The following TNFAIP8 variants were observed in gnomAD, a reference collection of about 807,000 sequenced individuals.
TNFAIP8 encodes the protein tumor necrosis factor alpha-induced protein 8.
A neutral mutation model predicts 13.3 loss-of-function variants in TNFAIP8; 7 were observed. The ratio of observed to expected loss-of-function variants is 0.52; its 90% CI spans 0.30 to 0.99. The LOEUF (loss-of-function observed/expected upper bound fraction) is 0.99. TNFAIP8 is among the 50% of genes least tolerant of loss of function. The pLI is 0.07. For synonymous variants in TNFAIP8, 94 were observed against 87.6 expected (o/e 1.07, Z -0.41); for missense variants, 258 against 236.9 (o/e 1.09, Z -0.58).
chr5:119,372,268 G>A (rs1752107857), intron 1 of TNFAIP8, among the ~76,000 whole-genome samples: 1 of 149,982 alleles, frequency 6.7e-6, no homozygotes, highest in African/African-American at 2.5e-5. Flanking sequence ...AGGTTGTGGT[G>A]AGCAGAGATC....
chr5:119,304,340 A>G (rs1403687764), intron 1 of TNFAIP8, among the ~76,000 whole-genome samples: 1 of 152,046 alleles, frequency 6.6e-6, no homozygotes, highest in African/African-American at 2.4e-5. Context: ...CCTTCACCAA[A>G]CATATTAAAG....
At position 119,338,210 on chromosome 5, in the gene TNFAIP8, A is replaced by ACACACC. The variant is rs1366073474; in HGVS notation, c.2-54605_2-54604insACACCC. 2.0e-3 allele frequency among the ~76,000 whole-genome samples: 259 copies of ACACACC among 130,660 alleles called. 2 individuals carry two copies. Among genetic ancestry groups the ACACACC allele is most frequent in the African/African-American group, 9.5e-3 (231 of 24,276 alleles). The allele number at this position is 130,660 out of a possible 152,430, so 85.7% of individuals were successfully genotyped here. The stretch of plus-strand genomic sequence containing the variant: ...CACACACACACACACACACACACAC[A>ACACACC]CCTTCTCAGCACCTAGTCACACCCT... On this transcript the variant is annotated intron_variant, in intron 1 of 1. Coordinates refer to the TNFAIP8 transcript ENST00000274456.
rs775889437 is a variant in TNFAIP8 at position 119,394,609 on chromosome 5, T to C, written c.*1228T>C. 9.9e-5 allele frequency: 14 copies of C among 140,822 alleles called. No homozygotes were observed. Among genetic ancestry groups the C allele is most frequent in the Non-Finnish European group, 2.0e-4 (13 of 65,858 alleles). 8.7% of individuals were successfully genotyped at this position (140,822 alleles called of 1,614,324 possible). A position where few individuals can be genotyped will look rare whatever the true frequency, so the allele number is the denominator to read the frequency against. The stretch of plus-strand genomic sequence containing the variant: ...AACATTTCCATTGTCACTGTGTCTA[T>C]GATTTTTTTTTTTTTTTTTTTGAGT... On this transcript the variant is annotated 3_prime_UTR_variant, in exon 2 of 2. Coordinates refer to ENST00000504771, the MANE Select transcript of TNFAIP8 (RefSeq NM_014350.4).
intron 1 of TNFAIP8, among the ~76,000 whole-genome samples, chr5:119,338,211 C>CACACACACACACACACA (rs70982473): frequency 6.8e-6 from 1 of 146,492 alleles, no homozygotes; most frequent in Non-Finnish European, 1.5e-5. Flanking sequence ...CACACACACA[C>CACACACACACACACACA]CTTCTCAGCA....
intron 1 of TNFAIP8, among the ~76,000 whole-genome samples, chr5:119,368,443 G>GTGTGTGTA (rs1751952095): frequency 7.2e-6 from 1 of 137,998 alleles, no homozygotes; most frequent in African/African-American, 2.8e-5. Context: ...GTGTGTGTGT[G>GTGTGTGTA]TGTGTGTGTG....
chr5:119,336,393 C>T (rs1157670544), intron 1 of TNFAIP8, among the ~76,000 whole-genome samples: 1 of 152,150 alleles, frequency 6.6e-6, no homozygotes, highest in Non-Finnish European at 1.5e-5. Context: ...GTACAGTGGT[C>T]TGAGAGGAAG....
intron 1 of TNFAIP8, among the ~76,000 whole-genome samples, chr5:119,377,413 A>G (rs1580438996): frequency 6.6e-6 from 1 of 152,130 alleles, no homozygotes; most frequent in Non-Finnish European, 1.5e-5. Flanking sequence ...AAGTAAAAAA[A>G]AAATAAAAAA....
chr5:119,356,220 G>GGCACTTTGTCCGCTTGCCCTGC, intron 1 of TNFAIP8, 99 bp downstream of exon 1: 3 of 1,142,338 alleles, frequency 2.6e-6, no homozygotes, highest in Non-Finnish European at 3.7e-6. Context: ...GTGAGCGGTG[G>GGCACTTTGTCCGCTTGCCCTGC]GCACTTTGTC....
intron 1 of TNFAIP8, among the ~76,000 whole-genome samples, chr5:119,349,489 C>T (rs1331870913): frequency 6.6e-6 from 1 of 152,160 alleles, no homozygotes; most frequent in African/African-American, 2.4e-5. Context: ...GAAGAAAACC[C>T]ATCTTAATGC....
rs189841213 is a variant in TNFAIP8, at chr5:119,317,959, G to A, written c.1+49052G>A. ...TTGGACACATCCACTTTTCCAGAGT[G>A]TGGGACACATAAAAGATCTTCGTCA... is the stretch of plus-strand genomic sequence containing the variant. On this transcript the variant is annotated intron_variant, in intron 1 of 1. Transcript: ENST00000274456. 2.7e-4 allele frequency among the ~76,000 whole-genome samples: 41 copies of A among 152,264 alleles called. 1 individual carries two copies. Among genetic ancestry groups the A allele is most frequent in the Middle Eastern group, 3.4e-3 (1 of 294 alleles).
chr5:119,387,817 A>T (rs1271034039), intron 1 of TNFAIP8, among the ~76,000 whole-genome samples: 2 of 152,232 alleles, frequency 1.3e-5, no homozygotes, highest in Non-Finnish European at 2.9e-5. Context: ...GTAAAATAAC[A>T]TTTACACCCT....
At chr5:119,311,678 G>A (rs1343552394) in intron 1 of TNFAIP8, among the ~76,000 whole-genome samples, 1 of 88,158 alleles carries the variant, frequency 1.1e-5, no homozygotes, top group Non-Finnish European at 2.0e-5. Flanking sequence ...GACAGAGTGA[G>A]ACTCCGTCTC....
rs1049506340 is a variant in TNFAIP8, at chr5:119,333,169, C to G, written c.2-59647C>G. 4 of 972,912 alleles carry G rather than the reference C, an allele frequency of 4.1e-6. No homozygotes were observed. The Admixed American group carries it at 2.7e-4, about 67-fold the overall frequency. The allele number at this position is 972,912 out of a possible 1,614,324, so 60.3% of individuals were successfully genotyped here. ...TGTTGAAACGTTAGACTTCCTGTTT[C>G]TGCTTGATTTTGAATATACTCCTGT... On this transcript the variant is annotated intron_variant, in intron 1 of 1. Coordinates refer to the TNFAIP8 transcript ENST00000274456.
intron 1 of TNFAIP8, among the ~76,000 whole-genome samples, chr5:119,282,847 A>G (rs559891842): frequency 1.5e-4 from 23 of 152,214 alleles, no homozygotes; most frequent in African/African-American, 4.8e-4. Flanking sequence ...GCCCATCACA[A>G]CCTTTTGCAG....
chr5:119,296,433 G>T (rs1749179450), intron 1 of TNFAIP8, among the ~76,000 whole-genome samples: 1 of 151,946 alleles, frequency 6.6e-6, no homozygotes, highest in Non-Finnish European at 1.5e-5. Flanking sequence ...TACATTTATT[G>T]ATTTGCCTAT....
intron 1 of TNFAIP8, among the ~76,000 whole-genome samples, chr5:119,343,739 A>ACTG (rs1750811945): frequency 6.6e-6 from 1 of 152,230 alleles, no homozygotes; most frequent in Non-Finnish European, 1.5e-5. Flanking sequence ...CTGTAGAAGT[A>ACTG]TAGGTCCACT....
intron 1 of TNFAIP8, among the ~76,000 whole-genome samples, chr5:119,388,512 C>G (rs1205381419): frequency 1.3e-5 from 2 of 152,334 alleles, no homozygotes; most frequent in African/African-American, 4.8e-5. Flanking sequence ...AGAATCTTTG[C>G]TCTCAGAGTT....
intron 1 of TNFAIP8, among the ~76,000 whole-genome samples, chr5:119,374,662 G>C (rs920873933): frequency 3.9e-5 from 6 of 152,320 alleles, no homozygotes; most frequent in Admixed American, 6.5e-5. Flanking sequence ...ATTCAGAATG[G>C]TTTGAGCCCC....
chr5:119,328,042 G>A (rs1422586183), intron 1 of TNFAIP8, among the ~76,000 whole-genome samples: 1 of 152,104 alleles, frequency 6.6e-6, no homozygotes, highest in Non-Finnish European at 1.5e-5. Context: ...TCCCTGCAGG[G>A]AAGAAACAGA....
Sources: gnomAD v4.1 joint callset for allele counts (sites outside exome capture counted in the v4.1 genomes callset) on GRCh38, gnomAD v4.1.1 for gene constraint, MANE v1.5 for transcripts, NCBI Gene and HGNC (gene_info 2026-07-23, HGNC 2026-07-21) for gene names.